The following PHYHIPL variants were observed in gnomAD, a reference collection of about 807,000 sequenced individuals.
PHYHIPL encodes the protein phytanoyl-CoA 2-hydroxylase interacting protein like.
Under a neutral mutation model 33.4 loss-of-function variants are expected in PHYHIPL, and 9 were observed. That is an observed-to-expected ratio of 0.27 (90% CI 0.16 to 0.47). PHYHIPL has a LOEUF of 0.47. Ranked by LOEUF, PHYHIPL falls within the 20% of genes least tolerant of loss-of-function variation. The pLI, the probability that PHYHIPL is intolerant of heterozygous loss-of-function variation, is 0.99. For missense variants in PHYHIPL, 365 were observed against 460.7 expected (o/e 0.79, Z 1.90); for synonymous variants, 153 against 154.1 (o/e 0.99, Z 0.05).
intron 1 of PHYHIPL, among the ~76,000 whole-genome samples, chr10:59,228,098 C>G (rs546305057): frequency 6.6e-6 from 1 of 151,808 alleles, no homozygotes; most frequent in Non-Finnish European, 1.5e-5. Context: ...ATTTGCACTT[C>G]TTGGGATTTC....
intron 1 of PHYHIPL, among the ~76,000 whole-genome samples, chr10:59,194,157 C>T (rs1411210573): frequency 6.7e-6 from 1 of 148,400 alleles, no homozygotes; most frequent in Non-Finnish European, 1.5e-5. Flanking sequence ...TCTTGGCTCA[C>T]TGCAATCTTT....
chr10:59,215,696 G>T (rs566440867), intron 1 of PHYHIPL, among the ~76,000 whole-genome samples: 1 of 151,916 alleles, frequency 6.6e-6, no homozygotes, highest in Admixed American at 6.6e-5. Flanking sequence ...AGTAGTAATG[G>T]GACAAATTTA....
At chr10:59,186,902 T>C (rs1298933250) in intron 1 of PHYHIPL, among the ~76,000 whole-genome samples, 2 of 152,352 alleles carry the variant, frequency 1.3e-5, no homozygotes, top group Non-Finnish European at 2.9e-5. Context: ...AATCATGTCA[T>C]CTGCAAACAG....
rs1228821175 is a variant in PHYHIPL at position 59,176,832 on chromosome 10, G to A, written c.-22G>A. The A allele has an allele frequency of 1.2e-6, 2 of 1,601,396 alleles. No homozygotes were observed. The highest frequency in any genetic ancestry group is 1.3e-5 in the African/African-American group (1 of 74,486). ...AGAGAGCCTGGATACGAAGCAGGCG[G>A]GCTTCAGAGTGGGTTGGAAAAATGG... is the stretch of plus-strand genomic sequence containing the variant. On this transcript the variant is annotated 5_prime_UTR_variant, in exon 1 of 5. Coordinates refer to ENST00000373880, the MANE Select transcript of PHYHIPL (RefSeq NM_032439.4).
chr10:59,219,902 C>A (rs960438896), intron 1 of PHYHIPL, among the ~76,000 whole-genome samples: 7 of 152,040 alleles, frequency 4.6e-5, no homozygotes, highest in African/African-American at 1.7e-4. Flanking sequence ...CTACTGAAGT[C>A]ATGTAAAAAT....
intron 3 of PHYHIPL, among the ~76,000 whole-genome samples, chr10:59,237,903 C>T (rs1397367846): frequency 1.3e-5 from 2 of 151,680 alleles, no homozygotes; most frequent in African/African-American, 4.8e-5. Flanking sequence ...TTGCATAGTA[C>T]CTTTTACATC....
intron 1 of PHYHIPL, among the ~76,000 whole-genome samples, chr10:59,225,492 A>G (rs1589287953): frequency 6.6e-6 from 1 of 152,132 alleles, no homozygotes; most frequent in East Asian, 1.9e-4. Context: ...AATGAGGCTT[A>G]CCTCTAAAGT....
At chr10:59,187,142 A>G (rs181100822) in intron 1 of PHYHIPL, among the ~76,000 whole-genome samples, 4,735 of 152,262 alleles carry the variant, frequency 0.031, 244 homozygotes, top group African/African-American at 0.11. Flanking sequence ...CGTCCCTTCA[A>G]TACCTAATTT....
chr10:59,176,134 C>T (rs1326805872), upstream of PHYHIPL, among the ~76,000 whole-genome samples: 1 of 152,204 alleles, frequency 6.6e-6, no homozygotes, highest in African/African-American at 2.4e-5. Flanking sequence ...CGGCCGAGCC[C>T]GCAGGGTGCG....
intron 1 of PHYHIPL, 53 bp downstream of exon 1, chr10:59,177,012 G>T (rs1482219882): frequency 3.9e-6 from 6 of 1,524,746 alleles, no homozygotes; most frequent in Admixed American, 1.8e-5. Context: ...CCGAGGCGCC[G>T]GGGCCACTCT....
At chr10:59,207,705 C>A (rs1339716461) in intron 1 of PHYHIPL, among the ~76,000 whole-genome samples, 1 of 152,118 alleles carries the variant, frequency 6.6e-6, no homozygotes, top group East Asian at 1.9e-4. Context: ...TCCTGGCTAA[C>A]ACAGTGAAAC....
chr10:59,202,172 T>C (rs1839138081), intron 1 of PHYHIPL, among the ~76,000 whole-genome samples: 1 of 152,164 alleles, frequency 6.6e-6, no homozygotes, highest in African/African-American at 2.4e-5. Flanking sequence ...ATGCCAGGTC[T>C]TGAAGGACTA....
chr10:59,240,652 CA>C (rs547609334), intron 4 of PHYHIPL, among the ~76,000 whole-genome samples: 2 of 151,320 alleles, frequency 1.3e-5, no homozygotes, highest in Non-Finnish European at 3.0e-5. Context: ...AATTTGAAAA[CA>C]AAAAAAACCC....
chr10:59,228,003 A>G (rs556256464), intron 1 of PHYHIPL, among the ~76,000 whole-genome samples: 57 of 114,910 alleles, frequency 5.0e-4, no homozygotes, highest in Admixed American at 1.1e-3. Context: ...AAATAACAGT[A>G]TATAGAATTG....
At chr10:59,213,249 T>G (rs1839516687) in intron 1 of PHYHIPL, among the ~76,000 whole-genome samples, 1 of 152,084 alleles carries the variant, frequency 6.6e-6, no homozygotes, top group African/African-American at 2.4e-5. Context: ...GAAATCCAAT[T>G]ATGTCATTCA....
intron 1 of PHYHIPL, among the ~76,000 whole-genome samples, chr10:59,193,158 T>C (rs1422813493): frequency 6.6e-6 from 1 of 152,118 alleles, no homozygotes; most frequent in Non-Finnish European, 1.5e-5. Context: ...TGTACATGTG[T>C]GGTGTCTGAA....
chr10:59,188,764 T>A (rs1024435034), intron 1 of PHYHIPL, among the ~76,000 whole-genome samples: 8 of 152,196 alleles, frequency 5.3e-5, no homozygotes, highest in African/African-American at 1.9e-4. Flanking sequence ...TTAAAGTCTA[T>A]TTTATCCGAG....
At chr10:59,196,503 C>T (rs1838923198) in intron 1 of PHYHIPL, among the ~76,000 whole-genome samples, 1 of 150,796 alleles carries the variant, frequency 6.6e-6, no homozygotes, top group South Asian at 2.1e-4. Context: ...GCAAGCTCCA[C>T]CTCCCGGGTT....
chr10:59,182,333 A>T (rs1838433424), intron 1 of PHYHIPL, among the ~76,000 whole-genome samples: 1 of 152,150 alleles, frequency 6.6e-6, no homozygotes, highest in South Asian at 2.1e-4. Context: ...AAACTTTAAA[A>T]TATTTCATTA....
Sources: gnomAD v4.1 joint callset for allele counts (sites outside exome capture counted in the v4.1 genomes callset) on GRCh38, gnomAD v4.1.1 for gene constraint, MANE v1.5 for transcripts, NCBI Gene and HGNC (gene_info 2026-07-23, HGNC 2026-07-21) for gene names.